MORC1: variants seen among roughly 807,000 people sequenced by gnomAD.
MORC1 encodes MORC family CW-type zinc finger protein 1.
MORC1 carries 59 observed loss-of-function variants against 134.9 expected under a neutral mutation model. That is an observed-to-expected ratio of 0.44 (90% CI 0.35 to 0.54). MORC1 has a LOEUF of 0.54. MORC1 is among the 20% of genes least tolerant of loss of function. MORC1 has a pLI of 0.00. For missense variants in MORC1, 947 were observed against 1,134.5 expected (o/e 0.83, Z 2.37); for synonymous variants, 395 against 391.7 (o/e 1.01, Z -0.10).
At chr3:109,085,228 G>A (rs1192823357) in intron 8 of MORC1, among the ~76,000 whole-genome samples, 1 of 151,642 alleles carries the variant, frequency 6.6e-6, no homozygotes. Flanking sequence ...GAACTCAAAA[G>A]CAAAGGTAAT....
At chr3:109,100,769 G>T (rs1202131336) in intron 4 of MORC1, among the ~76,000 whole-genome samples, 1 of 152,154 alleles carries the variant, frequency 6.6e-6, no homozygotes, top group Non-Finnish European at 1.5e-5. Context: ...AAAATAAATT[G>T]CGTCTGGACT....
In MORC1 at chr3:109,040,485, A is replaced by AAAGAAAGAAAGAAAGGAAGG. The variant is rs61499269; in HGVS notation, c.1331-5018_1331-5017insCCTTCCTTTCTTTCTTTCTT. Among the ~76,000 whole-genome samples, 29 of 114,600 alleles carry AAAGAAAGAAAGAAAGGAAGG rather than the reference A, an allele frequency of 2.5e-4. 1 individual carries two copies. Among genetic ancestry groups the AAAGAAAGAAAGAAAGGAAGG allele is most frequent in the South Asian group, 1.2e-3 (4 of 3,236 alleles). The allele number at this position is 114,600 out of a possible 152,430, so 75.2% of individuals were successfully genotyped here. On this transcript the variant is annotated intron_variant, in intron 14 of 27. Transcript: ENST00000232603. ...GAAAGAAAGAAAGAAAGAAAGAAAG[A>AAAGAAAGAAAGAAAGGAAGG]AAGGAAAGAAAAGAAAGGAAGGAAG... is the stretch of plus-strand genomic sequence containing the variant.
At chr3:109,108,824 T>C (rs13080620) in intron 3 of MORC1, among the ~76,000 whole-genome samples, 45,127 of 150,060 alleles carry the variant, frequency 0.3, 7,277 homozygotes, top group Middle Eastern at 0.47. Context: ...GGTGTGAACC[T>C]GGGAGGCAGA....
chr3:109,086,142 A>G (rs1161472554), intron 8 of MORC1, among the ~76,000 whole-genome samples: 2 of 152,032 alleles, frequency 1.3e-5, no homozygotes, highest in Admixed American at 1.3e-4. Context: ...TATACAGTTA[A>G]ATAGAAGAAA....
intron 23 of MORC1, among the ~76,000 whole-genome samples, chr3:108,981,921 T>G (rs1323224688): frequency 6.6e-6 from 1 of 152,126 alleles, no homozygotes; most frequent in Non-Finnish European, 1.5e-5. Context: ...CTAATTAAAC[T>G]AAAGAGCTTC....
At chr3:108,979,412 AT>A in intron 24 of MORC1, 102 bp downstream of exon 24, 1 of 1,247,710 alleles carries the variant, frequency 8.0e-7, no homozygotes, top group Non-Finnish European at 1.1e-6. Context: ...ACTCTACTGA[AT>A]TTATTCAGTA....
intron 3 of MORC1, among the ~76,000 whole-genome samples, chr3:109,107,547 G>A (rs1022180717): frequency 5.9e-5 from 9 of 152,226 alleles, no homozygotes; most frequent in Middle Eastern, 3.4e-3. Context: ...ACACACAAAC[G>A]TATAAAACAC....
rs943441331 is a variant in MORC1, at chr3:108,982,585, G to T, written c.2324+2131C>A. 1.5e-4 allele frequency among the ~76,000 whole-genome samples: 22 copies of T among 151,432 alleles called. 1 individual carries two copies. Among genetic ancestry groups the T allele is most frequent in the African/African-American group, 5.1e-4 (21 of 41,164 alleles). ...ACACACGGGGACCTGTCGTGGGATGGGGGGGGCAGGGGGAGGGATAGCATT... is the reference window on the plus strand; with the variant it reads ...ACACACGGGGACCTGTCGTGGGATGTGGGGGGCAGGGGGAGGGATAGCATT... On this transcript the variant is annotated intron_variant, in intron 23 of 27. Transcript: ENST00000232603.
chr3:108,969,046 G>T (rs559758436), intron 26 of MORC1, among the ~76,000 whole-genome samples: 1 of 151,808 alleles, frequency 6.6e-6, no homozygotes, highest in Non-Finnish European at 1.5e-5. Flanking sequence ...GGGCACTCTG[G>T]ACTCTTTCTC....
intron 21 of MORC1, among the ~76,000 whole-genome samples, 155 bp from the exon 22 acceptor site, chr3:108,987,104 A>G (rs1246419542): frequency 5.3e-5 from 8 of 152,256 alleles, no homozygotes; most frequent in Admixed American, 5.2e-4. Flanking sequence ...AACAAATGGT[A>G]CATGTACAAA....
At position 108,974,640 on chromosome 3, in the gene MORC1, G is replaced by A. The variant is rs148126954; in HGVS notation, c.2478-3238C>T. 8.1e-4 allele frequency among the ~76,000 whole-genome samples: 123 copies of A among 152,332 alleles called. No individual in the cohort carries two copies. The East Asian group carries it at 0.018, about 22-fold the overall frequency. On this transcript the variant is annotated intron_variant, in intron 24 of 27. Transcript: ENST00000232603. ...ACTTGGGGCAACTCCTGAACCAAGT[G>A]CTGCCATTTCAATGGGACTTTTGTC...
chr3:109,059,926 A>C, intron 11 of MORC1, 56 bp from the exon 12 acceptor site: 2 of 1,439,218 alleles, frequency 1.4e-6, no homozygotes, highest in Non-Finnish European at 1.9e-6. Context: ...AACAAAAAGC[A>C]AGTTGATATT....
intron 14 of MORC1, among the ~76,000 whole-genome samples, chr3:109,036,706 A>C (rs1242597104): frequency 6.6e-6 from 1 of 152,156 alleles, no homozygotes; most frequent in Non-Finnish European, 1.5e-5. Flanking sequence ...TCAGCAGAGA[A>C]AGAACTCAGC....
intron 27 of MORC1, among the ~76,000 whole-genome samples, chr3:108,962,158 T>C (rs572727539): frequency 4.6e-4 from 70 of 152,260 alleles, no homozygotes; most frequent in Admixed American, 1.2e-3. Flanking sequence ...ACAATTACCT[T>C]TATATAAAAA....
At chr3:109,031,645 G>A (rs148330206) in intron 16 of MORC1, among the ~76,000 whole-genome samples, 49 of 152,202 alleles carry the variant, frequency 3.2e-4, no homozygotes, top group Non-Finnish European at 5.7e-4. Context: ...CTGGATTTGC[G>A]TTTTAATTCT....
At chr3:109,046,767 T>C (rs4376043) in intron 14 of MORC1, among the ~76,000 whole-genome samples, 1 of 152,240 alleles carries the variant, frequency 6.6e-6, no homozygotes. Context: ...ATAGGATACA[T>C]ACAGATAGTA....
chr3:109,022,426 A>C (rs1209776032), intron 17 of MORC1, among the ~76,000 whole-genome samples: 1 of 152,244 alleles, frequency 6.6e-6, no homozygotes, highest in African/African-American at 2.4e-5. Context: ...AAAACAATCA[A>C]TGTGGGAATT....
intron 19 of MORC1, 56 bp downstream of exon 19, chr3:109,005,014 G>C (rs1248576364): frequency 6.3e-7 from 1 of 1,579,570 alleles, no homozygotes. Flanking sequence ...AACCTTGACT[G>C]AATGCTATTT....
intron 4 of MORC1, chr3:109,101,395 T>C (rs886919209): frequency 1.3e-5 from 2 of 152,268 alleles, no homozygotes; most frequent in African/African-American, 4.8e-5. Flanking sequence ...TATTCTGGAA[T>C]TCTAGACAGT....
Sources: gnomAD v4.1 joint callset for allele counts (sites outside exome capture counted in the v4.1 genomes callset) on GRCh38, gnomAD v4.1.1 for gene constraint, MANE v1.5 for transcripts, NCBI Gene and HGNC (gene_info 2026-07-23, HGNC 2026-07-21) for gene names.